Variants in SIPA1L2 observed in about 807,000 individuals in gnomAD.
The protein encoded by SIPA1L2 is signal-induced proliferation-associated 1-like protein 2.
In SIPA1L2, 56 loss-of-function variants were observed where a neutral mutation model predicts 163.9. The ratio of observed to expected loss-of-function variants is 0.34; its 90% CI spans 0.28 to 0.43. The LOEUF is 0.43. Ranked by LOEUF, SIPA1L2 falls within the 20% of genes least tolerant of loss-of-function variation. SIPA1L2 has a pLI of 1.00. For missense variants in SIPA1L2, 1,974 were observed against 2,193.5 expected, an observed-to-expected ratio of 0.90 and a Z score of 2.00; for synonymous variants, 877 against 865.7, an observed-to-expected ratio of 1.01 and a Z score of -0.23.
chr1:232,506,351 G>A (rs915400626), intron 3 of SIPA1L2, among the ~76,000 whole-genome samples: 1 of 152,156 alleles, frequency 6.6e-6, no homozygotes, highest in African/African-American at 2.4e-5. Context: ...TTTTACAGAT[G>A]ATTGACTAGG....
chr1:232,422,574 CTGG>C (rs938458831), intron 18 of SIPA1L2, among the ~76,000 whole-genome samples: 7 of 152,190 alleles, frequency 4.6e-5, no homozygotes, highest in African/African-American at 1.7e-4. Flanking sequence ...TGAGTCTCTC[CTGG>C]TGAAAGATTC....
chr1:232,586,296 C>T (rs1660651860), intron 1 of SIPA1L2, among the ~76,000 whole-genome samples: 1 of 152,176 alleles, frequency 6.6e-6, no homozygotes, highest in South Asian at 2.1e-4. Flanking sequence ...GTCTAGGTTT[C>T]ACACATCCAC....
chr1:232,425,876 C>T (rs749244139), intron 17 of SIPA1L2, 68 bp from the exon 18 acceptor site: 1 of 1,382,300 alleles, frequency 7.2e-7, no homozygotes. Flanking sequence ...GCTTGTTGGA[C>T]TAAGTCCAGT....
intron 18 of SIPA1L2, chr1:232,415,842 G>C: frequency 2.2e-6 from 1 of 451,156 alleles, no homozygotes; most frequent in Non-Finnish European, 3.7e-6. Flanking sequence ...CCCAGAGTCA[G>C]TCAGAACACG....
At chr1:232,616,287 G>A (rs983814422) in intron 1 of SIPA1L2, among the ~76,000 whole-genome samples, 4 of 152,228 alleles carry the variant, frequency 2.6e-5, no homozygotes, top group African/African-American at 7.2e-5. Flanking sequence ...CATAAAACCC[G>A]CTGGGCAAAG....
At chr1:232,535,096 A>T (rs1657220469) in intron 2 of SIPA1L2, among the ~76,000 whole-genome samples, 1 of 152,174 alleles carries the variant, frequency 6.6e-6, no homozygotes, top group South Asian at 2.1e-4. Context: ...TACAATTCCC[A>T]ATCACCAGAC....
At chr1:232,466,019 C>T (rs754592053) in intron 8 of SIPA1L2, among the ~76,000 whole-genome samples, 11 of 151,980 alleles carry the variant, frequency 7.2e-5, no homozygotes, top group Non-Finnish European at 1.2e-4. Context: ...AAAAGTCTGC[C>T]GTTTAAGCCA....
At chr1:232,416,267 G>T (rs1661257948) in intron 18 of SIPA1L2, among the ~76,000 whole-genome samples, 2 of 152,286 alleles carry the variant, frequency 1.3e-5, no homozygotes, top group South Asian at 2.1e-4. Context: ...GCTCTTAATG[G>T]AAAAAGAAAA....
chr1:232,591,797 T>C lies in SIPA1L2; in HGVS notation c.-318-17575A>G, dbSNP rs116545496. ...TGACCAAGGAGTCAGTGAACGGAGG[T>C]TGCTCTACTTCAAAATCCAGTTTAT... On this transcript the variant is annotated intron_variant, in intron 1 of 22. Transcript: ENST00000674635. Among the ~76,000 whole-genome samples, 458 of 152,202 alleles carry C rather than the reference T, an allele frequency of 3.0e-3. 1 individual carries two copies. The highest frequency in any genetic ancestry group is 3.2e-3 in the Non-Finnish European group (218 of 68,010).
chr1:232,610,798 G>A (rs1662198607), intron 1 of SIPA1L2, among the ~76,000 whole-genome samples: 1 of 152,094 alleles, frequency 6.6e-6, no homozygotes, highest in African/African-American at 2.4e-5. Context: ...AGGAGAATAA[G>A]GGTAATTAAA....
chr1:232,552,901 G>A (rs2103140426), intron 2 of SIPA1L2, among the ~76,000 whole-genome samples: 1 of 152,294 alleles, frequency 6.6e-6, no homozygotes, highest in African/African-American at 2.4e-5. Context: ...GCAGGTGCAG[G>A]AACCAGGGGG....
Position 232,474,751 on chromosome 1 carries a change from TA to T in SIPA1L2, c.2086-3224del, listed in dbSNP as rs917346567. 1.5e-3 allele frequency among the ~76,000 whole-genome samples: 217 copies of T among 144,128 alleles called. 1 individual carries two copies. Among genetic ancestry groups the T allele is most frequent in the African/African-American group, 4.4e-3 (173 of 39,276 alleles). The allele number at this position is 144,128 out of a possible 152,430, so 94.6% of individuals were successfully genotyped here. On this transcript the variant is annotated intron_variant, in intron 7 of 22. Transcript: ENST00000674635. ...AATATGTACAACTATTATATATCAGTAAAAAAAAAAATTTTAACGAGAGGAA... is the reference window on the plus strand; with the variant it reads ...AATATGTACAACTATTATATATCAGTAAAAAAAAAATTTTAACGAGAGGAA...
At chr1:232,508,320 A>G (rs1666823660) in intron 3 of SIPA1L2, among the ~76,000 whole-genome samples, 1 of 152,192 alleles carries the variant, frequency 6.6e-6, no homozygotes, top group South Asian at 2.1e-4. Flanking sequence ...TGGGTGGCAT[A>G]AAGTAGGGCA....
At chr1:232,426,139 C>A (rs1661885176) in intron 17 of SIPA1L2, among the ~76,000 whole-genome samples, 1 of 152,122 alleles carries the variant, frequency 6.6e-6, no homozygotes, top group South Asian at 2.1e-4. Flanking sequence ...TATAAGGTTG[C>A]CATTTCAGGC....
intron 2 of SIPA1L2, among the ~76,000 whole-genome samples, chr1:232,566,905 T>C (rs1159904878): frequency 6.6e-6 from 1 of 152,260 alleles, no homozygotes; most frequent in Non-Finnish European, 1.5e-5. Context: ...ACAATATCAA[T>C]ATGCTTATCT....
intron 1 of SIPA1L2, among the ~76,000 whole-genome samples, chr1:232,612,259 G>A (rs964859333): frequency 2.6e-5 from 4 of 152,246 alleles, no homozygotes; most frequent in Non-Finnish European, 4.4e-5. Flanking sequence ...CAGTGTAAAA[G>A]GGAAATGTGT....
At position 232,520,237 on chromosome 1, in the gene SIPA1L2, T is replaced by C. The variant is rs371923034; in HGVS notation, c.-269-4629A>G. Among the ~76,000 whole-genome samples, 82 of 152,332 alleles carry C rather than the reference T, an allele frequency of 5.4e-4. No individual in the cohort carries two copies. In the South Asian group the frequency reaches 0.017, roughly 32 times the overall value. On this transcript the variant is annotated intron_variant, in intron 2 of 22. Coordinates refer to ENST00000674635, the MANE Select transcript of SIPA1L2 (RefSeq NM_020808.5). ...CTTGCATTTCATAAAATTCTATGGC[T>C]TTGCTCCCCAGTAAAAATAAATAAT...
At chr1:232,461,196 C>T in intron 9 of SIPA1L2, 35 bp from the exon 10 acceptor site, 2 of 1,595,740 alleles carry the variant, frequency 1.3e-6, no homozygotes, top group South Asian at 1.1e-5. Context: ...GATGCCCTTC[C>T]TGCCCAAGCT....
chr1:232,418,243 T>C (rs1403807598), intron 18 of SIPA1L2, among the ~76,000 whole-genome samples: 1 of 151,702 alleles, frequency 6.6e-6, no homozygotes, highest in Non-Finnish European at 1.5e-5. Flanking sequence ...ACAAGAGGGG[T>C]AAAATGCAAT....
Sources: allele counts gnomAD v4.1 joint callset (sites outside exome capture counted in the v4.1 genomes callset), GRCh38; gene constraint gnomAD v4.1.1; transcripts MANE v1.5; gene names NCBI Gene and HGNC (gene_info 2026-07-23, HGNC 2026-07-21).